The following UST variants were observed in gnomAD, a reference collection of about 807,000 sequenced individuals.
The protein encoded by UST is chondroitin sulfate 2-O-sulfotransferase.
Under a neutral mutation model 45.6 loss-of-function variants are expected in UST, and 21 were observed. That is an observed-to-expected ratio of 0.46 (90% confidence interval 0.33 to 0.66). UST has a LOEUF of 0.66. Among genes scored for constraint, UST ranks in the 30% least tolerant of loss-of-function variants. UST has a pLI of 0.02. For synonymous variants in UST, 215 were observed against 200.6 expected (o/e 1.07, Z -0.61); for missense variants, 463 against 512.4 (o/e 0.90, Z 0.93).
At chr6:148,770,784 C>T (rs1776411336) in intron 1 of UST, among the ~76,000 whole-genome samples, 1 of 152,108 alleles carries the variant, frequency 6.6e-6, no homozygotes. Context: ...CATGAATGGC[C>T]CTGGGTTGCT....
chr6:149,064,151 AGAGT>A (rs2115043289), intron 7 of UST, among the ~76,000 whole-genome samples: 1 of 152,338 alleles, frequency 6.6e-6, no homozygotes, highest in African/African-American at 2.4e-5. Context: ...CAAATGAATC[AGAGT>A]GAGATGCCCT....
At chr6:148,893,857 A>G (rs1779068229) in intron 2 of UST, among the ~76,000 whole-genome samples, 1 of 152,212 alleles carries the variant, frequency 6.6e-6, no homozygotes, top group African/African-American at 2.4e-5. Context: ...ACTAGGTCAG[A>G]TAACCTGGGA....
chr6:148,906,584 G>A (rs532016586), intron 2 of UST, among the ~76,000 whole-genome samples: 1 of 152,332 alleles, frequency 6.6e-6, no homozygotes, highest in African/African-American at 2.4e-5. Flanking sequence ...TTAGGTTGGT[G>A]CAAAAGTGAT....
intron 7 of UST, among the ~76,000 whole-genome samples, chr6:149,061,606 T>A (rs1776656028): frequency 6.6e-6 from 1 of 152,246 alleles, no homozygotes; most frequent in Non-Finnish European, 1.5e-5. Flanking sequence ...AGAATCTGTG[T>A]GCAATCCACT....
chr6:148,917,202 C>T (rs1779607957), intron 2 of UST, among the ~76,000 whole-genome samples: 1 of 152,230 alleles, frequency 6.6e-6, no homozygotes, highest in Non-Finnish European at 1.5e-5. Flanking sequence ...TCTTCCCCCT[C>T]AGCCATTTGC....
intron 7 of UST, among the ~76,000 whole-genome samples, chr6:149,046,582 C>T (rs751742776): frequency 2.0e-5 from 3 of 152,224 alleles, no homozygotes; most frequent in Non-Finnish European, 2.9e-5. Flanking sequence ...GTTTAACTGT[C>T]GGCAATCTCC....
intron 5 of UST, among the ~76,000 whole-genome samples, chr6:148,995,290 T>A (rs1389767068): frequency 1.3e-5 from 2 of 152,228 alleles, no homozygotes; most frequent in East Asian, 3.8e-4. Flanking sequence ...CCCAAAGTGC[T>A]GGGATTCCAG....
rs1261302879 is a variant in UST, at chr6:148,747,048, A to G, written c.-383A>G. Reference sequence around the variant, plus strand: ...GTTTTTTAGAGAAGCCTGAACCGGGACAAAACACGCCGAGACCTACAGACA... The same window carrying G: ...GTTTTTTAGAGAAGCCTGAACCGGGGCAAAACACGCCGAGACCTACAGACA... On this transcript the variant is annotated 5_prime_UTR_variant, in exon 1 of 8. Transcript: ENST00000367463. Among the ~76,000 whole-genome samples, 1 of 151,656 alleles carries G rather than the reference A, an allele frequency of 6.6e-6. No homozygotes were observed. The highest frequency in any genetic ancestry group is 1.5e-5 in the Non-Finnish European group (1 of 67,736).
chr6:148,823,281 C>T (rs1777500642), intron 1 of UST, among the ~76,000 whole-genome samples: 1 of 152,116 alleles, frequency 6.6e-6, no homozygotes, highest in Non-Finnish European at 1.5e-5. Context: ...ATAAAGCAAA[C>T]TAGAAAGAAA....
At chr6:149,032,850 G>A (rs766742882) in intron 7 of UST, among the ~76,000 whole-genome samples, 5 of 152,220 alleles carry the variant, frequency 3.3e-5, no homozygotes, top group African/African-American at 1.2e-4. Context: ...ATATCTGGGT[G>A]TGCGGGGGAG....
chr6:149,009,814 C>T (rs12193145), intron 5 of UST, among the ~76,000 whole-genome samples: 2 of 148,092 alleles, frequency 1.4e-5, no homozygotes, highest in African/African-American at 5.1e-5. Context: ...TTCATTATAC[C>T]TTTTGTCTTT....
intron 7 of UST, among the ~76,000 whole-genome samples, chr6:149,030,449 C>G (rs1446978999): frequency 6.7e-6 from 1 of 149,318 alleles, no homozygotes; most frequent in African/African-American, 2.5e-5. Context: ...CAAGACCAGC[C>G]TGAGCAACAG....
At chr6:148,873,722 A>G (rs9390621) in intron 1 of UST, among the ~76,000 whole-genome samples, 9,162 of 152,252 alleles carry the variant, frequency 0.06, 452 homozygotes, top group African/African-American at 0.14. Flanking sequence ...CTTCCTGAGC[A>G]GCTTCTATTG....
At chr6:148,833,292 A>C (rs1020957401) in intron 1 of UST, among the ~76,000 whole-genome samples, 1 of 152,214 alleles carries the variant, frequency 6.6e-6, no homozygotes, top group South Asian at 2.1e-4. Flanking sequence ...GTTGGAGACC[A>C]GCCTGGGCAA....
intron 7 of UST, among the ~76,000 whole-genome samples, chr6:149,049,156 G>T (rs547716965): frequency 2.0e-5 from 3 of 151,878 alleles, no homozygotes; most frequent in African/African-American, 7.2e-5. Flanking sequence ...TACAATCTTT[G>T]ACCCATTTCA....
intron 5 of UST, among the ~76,000 whole-genome samples, chr6:148,980,989 T>C (rs1781122428): frequency 6.6e-6 from 1 of 152,142 alleles, no homozygotes. Context: ...CCTCCCAAAG[T>C]GCTGGGATTA....
At chr6:148,807,151 G>A (rs1020810228) in intron 1 of UST, among the ~76,000 whole-genome samples, 3 of 152,192 alleles carry the variant, frequency 2.0e-5, no homozygotes, top group South Asian at 2.1e-4. Context: ...CTTTGTCAAA[G>A]CCTAGAAAAT....
At chr6:148,917,686 T>C (rs1375685398) in intron 2 of UST, among the ~76,000 whole-genome samples, 1 of 152,114 alleles carries the variant, frequency 6.6e-6, no homozygotes, top group East Asian at 1.9e-4. Flanking sequence ...AAACGCAAGG[T>C]GCTGGGGCTA....
intron 1 of UST, among the ~76,000 whole-genome samples, chr6:148,868,927 A>G (rs28360785): frequency 2.0e-5 from 3 of 152,182 alleles, no homozygotes; most frequent in Non-Finnish European, 4.4e-5. Flanking sequence ...TTTGTATGCC[A>G]GGTAGTTTAT....
Sources: allele counts gnomAD v4.1 joint callset (sites outside exome capture counted in the v4.1 genomes callset), GRCh38; gene constraint gnomAD v4.1.1; transcripts MANE v1.5; gene names NCBI Gene and HGNC (gene_info 2026-07-23, HGNC 2026-07-21).